The following PHF21A variants were observed in gnomAD, a reference collection of about 807,000 sequenced individuals.
The protein encoded by PHF21A is BHC80a.
A neutral mutation model predicts 82.5 loss-of-function variants in PHF21A; 11 were observed. The observed-to-expected ratio is 0.13, with a 90% CI of 0.08 to 0.22. The LOEUF (loss-of-function observed/expected upper bound fraction) is 0.22. Ranked by LOEUF, PHF21A falls within the 10% of genes least tolerant of loss-of-function variation. PHF21A has a pLI of 1.00. For synonymous variants in PHF21A, 297 were observed against 302.8 expected (o/e 0.98, Z 0.20); for missense variants, 579 against 837.8 (o/e 0.69, Z 3.81).
At chr11:45,950,736 G>A (rs2091990795) in intron 11 of PHF21A, among the ~76,000 whole-genome samples, 1 of 151,910 alleles carries the variant, frequency 6.6e-6, no homozygotes, top group African/African-American at 2.4e-5. Context: ...CGAGTGACCC[G>A]CCCCACAGAA....
chr11:45,944,480 T>C (rs2090965690), intron 15 of PHF21A, among the ~76,000 whole-genome samples: 1 of 152,204 alleles, frequency 6.6e-6, no homozygotes, highest in Non-Finnish European at 1.5e-5. Context: ...CCCAAAACCC[T>C]GTAATGGTCT....
intron 6 of PHF21A, among the ~76,000 whole-genome samples, chr11:46,034,905 C>T (rs970183893): frequency 1.3e-5 from 2 of 152,190 alleles, no homozygotes; most frequent in Admixed American, 6.5e-5. Context: ...CCAGAGAACA[C>T]TTTTCTTCAA....
At chr11:46,069,083 C>G (rs926562711) in intron 6 of PHF21A, among the ~76,000 whole-genome samples, 1 of 152,150 alleles carries the variant, frequency 6.6e-6, no homozygotes, top group African/African-American at 2.4e-5. Flanking sequence ...CACTGGGAAC[C>G]ACAGTCACAC....
At chr11:46,109,287 C>T (rs914740034) in intron 1 of PHF21A, among the ~76,000 whole-genome samples, 3 of 152,108 alleles carry the variant, frequency 2.0e-5, no homozygotes, top group Admixed American at 6.5e-5. Flanking sequence ...CAGAATATTG[C>T]TGTGAGGATT....
chr11:46,002,692 G>A (rs769841386), intron 6 of PHF21A, among the ~76,000 whole-genome samples: 3 of 152,042 alleles, frequency 2.0e-5, no homozygotes, highest in African/African-American at 4.8e-5. Flanking sequence ...CTCTGTCCCC[G>A]TAAAATGTCC....
At chr11:46,006,334 G>A (rs898280348) in intron 6 of PHF21A, among the ~76,000 whole-genome samples, 2 of 152,038 alleles carry the variant, frequency 1.3e-5, no homozygotes, top group Non-Finnish European at 2.9e-5. Flanking sequence ...TTAATCTTTC[G>A]GTTGTATATA....
At chr11:45,970,042 A>G (rs1342976823) in intron 8 of PHF21A, 138 bp from the exon 9 acceptor site, 1 of 697,978 alleles carries the variant, frequency 1.4e-6, no homozygotes, top group East Asian at 2.8e-5. Context: ...ATCTGAATTA[A>G]CACTGCATTA....
rs2097052522 is a variant in PHF21A at position 46,099,214 on chromosome 11, C to A, written c.-236-6991G>T. ...TAAAGCACAGTAAACCCAACTATAG[C>A]CAGAAGCTTATCCAGAGAAACACAT... On this transcript the variant is annotated intron_variant, in intron 1 of 18. Coordinates refer to ENST00000676320, the MANE Select transcript of PHF21A (RefSeq NM_001352027.3). Among the ~76,000 whole-genome samples the A allele has an allele frequency of 2.0e-5, 3 of 152,012 alleles. 1 individual carries two copies. The South Asian group carries it at 6.2e-4, about 32-fold the overall frequency.
At chr11:46,114,162 AACT>A (rs1325466816) in intron 1 of PHF21A, among the ~76,000 whole-genome samples, 1 of 152,114 alleles carries the variant, frequency 6.6e-6, no homozygotes, top group Non-Finnish European at 1.5e-5. Context: ...ACAGTATTCC[AACT>A]ACAAGCCCAC....
chr11:45,963,364 G>C (rs1416889056), intron 10 of PHF21A, among the ~76,000 whole-genome samples: 3 of 147,146 alleles, frequency 2.0e-5, no homozygotes, highest in Non-Finnish European at 4.4e-5. Flanking sequence ...AGGTTGCAGT[G>C]AGCTGAGATC....
chr11:45,984,305 C>T (rs1467153864), intron 6 of PHF21A, among the ~76,000 whole-genome samples: 1 of 152,132 alleles, frequency 6.6e-6, no homozygotes, highest in Non-Finnish European at 1.5e-5. Context: ...CTGCTAGTAC[C>T]GCCCACTTCA....
At chr11:45,980,101 C>T in intron 6 of PHF21A, 135 bp from the exon 7 acceptor site, 1 of 1,286,736 alleles carries the variant, frequency 7.8e-7, no homozygotes, top group South Asian at 1.5e-5. Context: ...ACAGGTTCTA[C>T]ATATGAAGAG....
intron 1 of PHF21A, among the ~76,000 whole-genome samples, chr11:46,107,759 CAA>C (rs2097168179): frequency 6.6e-6 from 1 of 152,124 alleles, no homozygotes; most frequent in African/African-American, 2.4e-5. Context: ...AAGCTGGAAT[CAA>C]GAGTTCTATT....
chr11:46,059,094 G>A (rs868090185), intron 6 of PHF21A, among the ~76,000 whole-genome samples: 7 of 152,080 alleles, frequency 4.6e-5, no homozygotes, highest in African/African-American at 1.7e-4. Flanking sequence ...ACCAAAGAAA[G>A]TTATGAAGAA....
chr11:45,971,137 C>T lies in PHF21A; in HGVS notation c.591G>A (p.Val197=). 6.2e-7 allele frequency: 1 copy of T among 1,613,676 alleles called. No homozygotes were observed. The highest frequency in any genetic ancestry group is 1.1e-5 in the South Asian group (1 of 90,992). The change falls in exon 8 of 19, where the codon GTG becomes GTA. Residue 197 remains valine (V), a synonymous_variant. Coordinates refer to ENST00000676320, the MANE Select transcript of PHF21A (RefSeq NM_001352027.3). ...TTACCAGAGTGACTGTGTTTTTTGC[C>T]ACAATTTGGACAGCCTCTGCCCCAG... ...TGPGAEAVQI[V]AKNTVTLQVQ...
intron 6 of PHF21A, among the ~76,000 whole-genome samples, chr11:46,029,579 T>C (rs1483540332): frequency 1.3e-5 from 2 of 151,964 alleles, no homozygotes; most frequent in Non-Finnish European, 2.9e-5. Flanking sequence ...TCCCAGCTAC[T>C]TGGGAAGCTG....
chr11:45,987,216 A>G (rs1026060864), intron 6 of PHF21A, among the ~76,000 whole-genome samples: 1 of 151,036 alleles, frequency 6.6e-6, no homozygotes, highest in Admixed American at 6.6e-5. Flanking sequence ...ACTACACTCC[A>G]GCCTGGGCAA....
At chr11:45,935,289 G>A in intron 18 of PHF21A, 1 of 1,311,902 alleles carries the variant, frequency 7.6e-7, no homozygotes, top group Non-Finnish European at 1.0e-6. Flanking sequence ...TGTCTGCTCA[G>A]TGTCAGGTGA....
chr11:45,935,687 T>C lies in PHF21A; in HGVS notation c.1737A>G (p.Gln579=). 1 of 1,544,368 alleles carries C rather than the reference T, an allele frequency of 6.5e-7. No individual in the cohort carries two copies. The highest frequency in any genetic ancestry group is 1.1e-5 in the South Asian group (1 of 89,294). Residue 579 remains glutamine, a synonymous_variant, in exon 18 of 19, where the codon CAA becomes CAG. Coordinates refer to ENST00000676320, the MANE Select transcript of PHF21A (RefSeq NM_001352027.3). Reference sequence around the variant, plus strand: ...CCTTTTGCTCTAGTTGTTCTCGTTCTTGTTTTAAATCTGAACTCCATTTAA... The same window carrying C: ...CCTTTTGCTCTAGTTGTTCTCGTTCCTGTTTTAAATCTGAACTCCATTTAA... ...KLLKWSSDLK[Q]EREQLEQKVK... is the part of the protein sequence containing the mutation.
Sources: allele counts gnomAD v4.1 joint callset (sites outside exome capture counted in the v4.1 genomes callset), GRCh38; gene constraint gnomAD v4.1.1; transcripts MANE v1.5; gene names NCBI Gene and HGNC (gene_info 2026-07-23, HGNC 2026-07-21).